Variants in ZFAT observed in about 807,000 individuals in gnomAD.
The protein encoded by ZFAT is zinc finger and AT-hook domain containing.
ZFAT carries 64 observed loss-of-function variants against 117.7 expected under a neutral mutation model. The ratio of observed to expected loss-of-function variants is 0.54; its 90% CI spans 0.44 to 0.67. The LOEUF (loss-of-function observed/expected upper bound fraction) is 0.67. ZFAT is among the 30% of genes least tolerant of loss of function. The pLI is 0.00. For missense variants in ZFAT, 1,433 were observed against 1,584.5 expected (o/e 0.90, Z 1.62); for synonymous variants, 679 against 615.0 (o/e 1.10, Z -1.54).
At position 134,602,948 on chromosome 8, in the gene ZFAT, C is replaced by A. The variant is rs1421643248; in HGVS notation, c.786-15G>T. On this transcript the variant is annotated splice_polypyrimidine_tract_variant and intron_variant, in intron 5 of 15. Coordinates refer to ENST00000377838, the MANE Select transcript of ZFAT (RefSeq NM_020863.4). ...TGGGACCTAGCCTAGAAACAGATGA[C>A]AGCATGGTTACATCTGGAGACCTTG... The A allele has an allele frequency of 1.3e-6, 2 of 1,591,146 alleles. No homozygotes were observed. The highest frequency in any genetic ancestry group is 1.7e-6 in the Non-Finnish European group (2 of 1,168,694).
intron 11 of ZFAT, among the ~76,000 whole-genome samples, chr8:134,542,108 G>A (rs975485673): frequency 1.3e-4 from 20 of 152,216 alleles, no homozygotes; most frequent in African/African-American, 4.3e-4. Flanking sequence ...GGTCACCCTC[G>A]TTCACTGGAC....
intron 11 of ZFAT, among the ~76,000 whole-genome samples, chr8:134,548,806 A>G (rs1429044108): frequency 6.6e-6 from 1 of 152,112 alleles, no homozygotes; most frequent in African/African-American, 2.4e-5. Flanking sequence ...TCTTCCAGGG[A>G]GGGTCTATCT....
At chr8:134,778,154 A>T in the ZFAT span, among the ~76,000 whole-genome samples, 1 of 152,216 alleles carries the variant, frequency 6.6e-6, no homozygotes, top group Non-Finnish European at 1.5e-5. Flanking sequence ...TAAGCCTTTT[A>T]AAAATTAATT....
At chr8:134,715,104 G>C (rs1287112236), upstream of ZFAT, among the ~76,000 whole-genome samples, 4 of 152,146 alleles carry the variant, frequency 2.6e-5, no homozygotes, top group Non-Finnish European at 4.4e-5. Context: ...TGACAGTATT[G>C]GTTTTGTGCC....
At chr8:134,670,189 TCAA>T (rs1832484422) in intron 1 of ZFAT, among the ~76,000 whole-genome samples, 2 of 152,290 alleles carry the variant, frequency 1.3e-5, no homozygotes, top group African/African-American at 4.8e-5. Context: ...ATTAGACAGA[TCAA>T]CGAGACAGAA....
chr8:134,589,716 G>A (rs913719225), intron 8 of ZFAT, among the ~76,000 whole-genome samples: 3 of 152,232 alleles, frequency 2.0e-5, no homozygotes, highest in African/African-American at 7.2e-5. Context: ...CAGAGGCAGG[G>A]CTCTGAGGAA....
chr8:134,683,605 G>A (rs1042019277), intron 1 of ZFAT, among the ~76,000 whole-genome samples: 1 of 152,182 alleles, frequency 6.6e-6, no homozygotes, highest in African/African-American at 2.4e-5. Context: ...CAAGAGCCTT[G>A]CCTGTTGGAA....
At chr8:134,789,430 T>C in the ZFAT span, among the ~76,000 whole-genome samples, 7 of 152,244 alleles carry the variant, frequency 4.6e-5, no homozygotes, top group Non-Finnish European at 1.0e-4. Flanking sequence ...TCCCTTGGAA[T>C]GATTTTGCTT....
At chr8:134,753,232 C>CCAACAACAACAACAACAACAA in the ZFAT span, among the ~76,000 whole-genome samples, 1 of 149,752 alleles carries the variant, frequency 6.7e-6, no homozygotes, top group South Asian at 2.2e-4. Context: ...AACGAACCAA[C>CCAACAACAACAACAACAACAA]CAACAACAAC....
chr8:134,608,974 T>G, intron 4 of ZFAT, 95 bp from the exon 5 acceptor site: 2 of 1,409,734 alleles, frequency 1.4e-6, no homozygotes, highest in South Asian at 3.0e-5. Flanking sequence ...GAAGTCTATT[T>G]CTATACTGTC....
chr8:134,769,244 A>G, the ZFAT span, among the ~76,000 whole-genome samples: 1 of 152,178 alleles, frequency 6.6e-6, no homozygotes, highest in Non-Finnish European at 1.5e-5. Context: ...CCTTTCACCT[A>G]TGAGCCTGTA....
At chr8:134,769,265 C>A in the ZFAT span, among the ~76,000 whole-genome samples, 12 of 152,252 alleles carry the variant, frequency 7.9e-5, no homozygotes, top group East Asian at 2.3e-3. Flanking sequence ...AAATGAAAAT[C>A]AAGTTAGTTA....
At chr8:134,584,443 A>G (rs139438982) in intron 9 of ZFAT, among the ~76,000 whole-genome samples, 3 of 152,358 alleles carry the variant, frequency 2.0e-5, no homozygotes, top group African/African-American at 4.8e-5. Flanking sequence ...GCAGACAGTC[A>G]CTAAATTCAA....
intron 1 of ZFAT, among the ~76,000 whole-genome samples, chr8:134,671,377 C>T (rs1254042181): frequency 3.9e-5 from 6 of 152,286 alleles, no homozygotes; most frequent in South Asian, 2.1e-4. Flanking sequence ...AAACCGAATC[C>T]GGCAGCACAT....
chr8:134,717,386 T>C (rs1260601610), upstream of ZFAT, among the ~76,000 whole-genome samples: 2 of 143,394 alleles, frequency 1.4e-5, no homozygotes, highest in African/African-American at 5.2e-5. Flanking sequence ...CTCTCTGTGG[T>C]CCAATAAGGG....
chr8:134,830,292 T>C, the ZFAT span, among the ~76,000 whole-genome samples: 1 of 152,222 alleles, frequency 6.6e-6, no homozygotes, highest in South Asian at 2.1e-4. Flanking sequence ...ATGTCAGCTA[T>C]GGCCAATAGG....
chr8:134,725,947 G>T, the ZFAT span, among the ~76,000 whole-genome samples: 7 of 152,098 alleles, frequency 4.6e-5, no homozygotes, highest in Admixed American at 4.6e-4. Flanking sequence ...TTCTATCAAT[G>T]AATTAATTAG....
chr8:134,503,031 C>T (rs1319791987), intron 15 of ZFAT, among the ~76,000 whole-genome samples: 2 of 152,242 alleles, frequency 1.3e-5, no homozygotes, highest in Non-Finnish European at 2.9e-5. Flanking sequence ...CAGCCAACTC[C>T]TGGGCTGCAG....
Position 134,539,724 on chromosome 8 carries a change from ACTG to A in ZFAT, c.2977-6755_2977-6753del, listed in dbSNP as rs144816102. Among the ~76,000 whole-genome samples the A allele has an allele frequency of 7.4e-3, 1,133 of 152,334 alleles. 25 individuals are homozygous for A. Among genetic ancestry groups the A allele is most frequent in the African/African-American group, 0.026 (1,079 of 41,566 alleles). On this transcript the variant is annotated intron_variant, in intron 11 of 15. Coordinates refer to ENST00000377838, the MANE Select transcript of ZFAT (RefSeq NM_020863.4). ...CTAGTTGGTACAAGACCAGTTATAC[ACTG>A]CTGATAGAAGTGGTGTTTTTAGAAT...
Sources: allele counts gnomAD v4.1 joint callset (sites outside exome capture counted in the v4.1 genomes callset), GRCh38; gene constraint gnomAD v4.1.1; transcripts MANE v1.5; gene names NCBI Gene and HGNC (gene_info 2026-07-23, HGNC 2026-07-21).